Variants in GABPB1 observed in about 807,000 individuals in gnomAD.
The protein encoded by GABPB1 is GA binding protein transcription factor subunit beta 1.
Under a neutral mutation model 45.9 loss-of-function variants are expected in GABPB1, and 15 were observed. The observed-to-expected ratio is 0.33, with a 90% CI of 0.22 to 0.50. The LOEUF (loss-of-function observed/expected upper bound fraction) is 0.50, where lower values mean the gene tolerates loss of function less well. GABPB1 is among the 20% of genes least tolerant of loss of function. GABPB1 has a pLI of 0.98. For missense variants in GABPB1, 252 were observed against 457.5 expected (o/e 0.55, Z 4.10); for synonymous variants, 143 against 154.4 (o/e 0.93, Z 0.55).
chr15:50,308,130 T>C (rs1288444023), intron 2 of GABPB1, among the ~76,000 whole-genome samples: 1 of 152,246 alleles, frequency 6.6e-6, no homozygotes, highest in Admixed American at 6.5e-5. Context: ...CAGATTACTG[T>C]CCAAATTGGC....
chr15:50,308,346 T>G (rs1271840395), intron 2 of GABPB1, among the ~76,000 whole-genome samples: 2 of 152,250 alleles, frequency 1.3e-5, no homozygotes, highest in South Asian at 2.1e-4. Flanking sequence ...ATTTATGAGT[T>G]CAGGCTGCAA....
chr15:50,290,590 C>CAAA (rs201704921), intron 6 of GABPB1, among the ~76,000 whole-genome samples: 5 of 112,170 alleles, frequency 4.5e-5, no homozygotes, highest in African/African-American at 1.6e-4. Flanking sequence ...GACCCTGTCT[C>CAAA]AAAAAAAAAA....
intron 1 of GABPB1, among the ~76,000 whole-genome samples, chr15:50,336,308 C>T (rs960462700): frequency 1.2e-4 from 18 of 145,470 alleles, no homozygotes; most frequent in African/African-American, 4.6e-4. Context: ...AAGCCAAGAT[C>T]ACACCACTGC....
At chr15:50,299,889 TCATGG>T (rs1046223419) in intron 6 of GABPB1, among the ~76,000 whole-genome samples, 2 of 152,036 alleles carry the variant, frequency 1.3e-5, no homozygotes, top group African/African-American at 4.8e-5. Context: ...TGATCTTGGC[TCATGG>T]CAACCTCTGC....
intron 6 of GABPB1, among the ~76,000 whole-genome samples, chr15:50,297,855 G>T (rs1248612594): frequency 2.6e-5 from 4 of 152,164 alleles, no homozygotes; most frequent in African/African-American, 9.7e-5. Flanking sequence ...ATTCCACTGT[G>T]ATGTCATATT....
In GABPB1 at chr15:50,354,214, T is replaced by G. The variant is rs3743043; in HGVS notation, c.-1+771A>C. 72 of 338,972 alleles carry G rather than the reference T, an allele frequency of 2.1e-4. 1 individual carries two copies. In the East Asian group the frequency reaches 7.5e-3, roughly 35 times the overall value. The allele number at this position is 338,972 out of a possible 1,614,324, so 21.0% of individuals were successfully genotyped here. ...TGGCAGAGATGACCTGGCAAAATTC[T>G]CAACTTCTTCCCTGAGGCAGTGCAC... On this transcript the variant is annotated intron_variant, in intron 1 of 8. Transcript: ENST00000380877.
chr15:50,334,250 T>A (rs2048041472), intron 1 of GABPB1, among the ~76,000 whole-genome samples: 1 of 152,000 alleles, frequency 6.6e-6, no homozygotes, highest in Non-Finnish European at 1.5e-5. Context: ...ATATCAGCCA[T>A]CATCTCTTCA....
chr15:50,332,888 T>G (rs1464212856), intron 1 of GABPB1, among the ~76,000 whole-genome samples: 1 of 152,140 alleles, frequency 6.6e-6, no homozygotes, highest in Non-Finnish European at 1.5e-5. Flanking sequence ...TTCATTTTCA[T>G]TCTCTAAATA....
At chr15:50,290,188 A>G (rs1381505917) in intron 6 of GABPB1, among the ~76,000 whole-genome samples, 1 of 152,250 alleles carries the variant, frequency 6.6e-6, no homozygotes, top group African/African-American at 2.4e-5. Context: ...ACAATACATC[A>G]GTTCCAACTA....
chr15:50,280,891 C>T (rs1225259384), intron 8 of GABPB1, among the ~76,000 whole-genome samples: 1 of 152,132 alleles, frequency 6.6e-6, no homozygotes, highest in Non-Finnish European at 1.5e-5. Context: ...TCTAAAGCAT[C>T]TTCTAGTATT....
In GABPB1 at chr15:50,337,558, G is replaced by A. The variant is rs371240861; in HGVS notation, c.-1+17427C>T. Among the ~76,000 whole-genome samples the A allele has an allele frequency of 3.4e-4, 51 of 152,054 alleles. 1 individual carries two copies. The South Asian group carries it at 6.2e-3, about 19-fold the overall frequency. On this transcript the variant is annotated intron_variant, in intron 1 of 8. Coordinates refer to ENST00000380877, the MANE Select transcript of GABPB1 (RefSeq NM_016654.5). ...GCAAGCAGATCACTTGAGCTCAGGA[G>A]TTCAAGACCAGCCTGGACAACATGA...
chr15:50,288,796 A>G (rs1159892591), intron 7 of GABPB1, among the ~76,000 whole-genome samples: 1 of 151,788 alleles, frequency 6.6e-6, no homozygotes, highest in Non-Finnish European at 1.5e-5. Context: ...ATGTGCTACC[A>G]TATTCCTACT....
intron 7 of GABPB1, among the ~76,000 whole-genome samples, chr15:50,287,410 C>A (rs1677613327): frequency 6.6e-6 from 1 of 152,180 alleles, no homozygotes; most frequent in Admixed American, 6.6e-5. Context: ...ACCCCCAGTA[C>A]CTCAAAGTGT....
intron 1 of GABPB1, among the ~76,000 whole-genome samples, chr15:50,331,410 G>A (rs2047944168): frequency 6.6e-6 from 1 of 152,178 alleles, no homozygotes; most frequent in Non-Finnish European, 1.5e-5. Context: ...GAGATTATTT[G>A]ACTACTTAGA....
chr15:50,289,376 G>T, intron 7 of GABPB1, 107 bp downstream of exon 7: 1 of 712,214 alleles, frequency 1.4e-6, no homozygotes, highest in Non-Finnish European at 2.2e-6. Flanking sequence ...ACAATTTCCT[G>T]AGAATTAAAA....
chr15:50,331,122 C>T (rs1287200300), intron 1 of GABPB1, among the ~76,000 whole-genome samples: 1 of 152,150 alleles, frequency 6.6e-6, no homozygotes, highest in African/African-American at 2.4e-5. Flanking sequence ...CCTTCTTGTC[C>T]TTGGGGAATT....
rs143987424 is a variant in GABPB1, at chr15:50,301,251, C to G, written c.583+6G>C. 6.2e-7 allele frequency: 1 copy of G among 1,613,856 alleles called. No homozygotes were observed. Among genetic ancestry groups the G allele is most frequent in the Non-Finnish European group, 8.5e-7 (1 of 1,179,934 alleles). Reference sequence around the variant, plus strand: ...GCCTTGGATGAATTTTCTGAAGATACCAGACCTGTTAGGTTCACCACCCCT... The same window carrying G: ...GCCTTGGATGAATTTTCTGAAGATAGCAGACCTGTTAGGTTCACCACCCCT... On this transcript the variant is annotated splice_donor_region_variant and intron_variant, in intron 5 of 8. Transcript: ENST00000380877.
At chr15:50,312,689 C>T (rs1195385376) in intron 1 of GABPB1, among the ~76,000 whole-genome samples, 4 of 152,150 alleles carry the variant, frequency 2.6e-5, no homozygotes, top group South Asian at 4.1e-4. Context: ...TTTGGCTTTA[C>T]GATGAAATTT....
chr15:50,348,175 C>T (rs894768212), intron 1 of GABPB1, among the ~76,000 whole-genome samples: 4 of 152,132 alleles, frequency 2.6e-5, no homozygotes, highest in Non-Finnish European at 4.4e-5. Flanking sequence ...AAAGATTCTA[C>T]ATTATGTAAT....
Sources: allele counts gnomAD v4.1 joint callset (sites outside exome capture counted in the v4.1 genomes callset), GRCh38; gene constraint gnomAD v4.1.1; transcripts MANE v1.5; gene names NCBI Gene and HGNC (gene_info 2026-07-23, HGNC 2026-07-21).